Variants in HMGCLL1 observed in about 807,000 individuals in gnomAD.
The protein encoded by HMGCLL1 is 3-hydroxy-3-methylglutaryl-CoA lyase like 1, also known as 3-hydroxymethyl-3-methylglutaryl-CoA lyase, cytoplasmic.
Under a neutral mutation model 39.1 loss-of-function variants are expected in HMGCLL1, and 36 were observed. That is an observed-to-expected ratio of 0.92 (90% CI 0.71 to 1.22). The LOEUF (loss-of-function observed/expected upper bound fraction) is 1.22. Among genes scored for constraint, HMGCLL1 ranks in the 50% most tolerant of loss-of-function variants. The pLI, the probability that HMGCLL1 is intolerant of heterozygous loss-of-function variation, is 0.00. For missense variants in HMGCLL1, 451 were observed against 416.5 expected, an observed-to-expected ratio of 1.08 and a Z score of -0.72; for synonymous variants, 149 against 144.0, an observed-to-expected ratio of 1.03 and a Z score of -0.25.
At chr6:55,460,086 T>A (rs1764491414) in intron 7 of HMGCLL1, among the ~76,000 whole-genome samples, 1 of 151,930 alleles carries the variant, frequency 6.6e-6, no homozygotes, top group African/African-American at 2.4e-5. Context: ...ACTCACATGA[T>A]CCCATGTGTC....
At chr6:55,655,316 T>C in the HMGCLL1 span, among the ~76,000 whole-genome samples, 1 of 151,884 alleles carries the variant, frequency 6.6e-6, no homozygotes, top group Non-Finnish European at 1.5e-5. Context: ...TTAATACGTA[T>C]GTATTATTTC....
chr6:55,666,219 G>A, the HMGCLL1 span, among the ~76,000 whole-genome samples: 8 of 151,740 alleles, frequency 5.3e-5, no homozygotes, highest in African/African-American at 1.9e-4. Flanking sequence ...ATCCAGCCAT[G>A]CAAATAATTT....
chr6:55,573,688 T>C (rs1410592233), intron 1 of HMGCLL1, among the ~76,000 whole-genome samples: 2 of 151,826 alleles, frequency 1.3e-5, no homozygotes, highest in African/African-American at 4.8e-5. Flanking sequence ...AAGAAACAAA[T>C]AAGGCACAGA....
At chr6:55,491,587 T>C (rs1348021352) in intron 7 of HMGCLL1, among the ~76,000 whole-genome samples, 1 of 152,186 alleles carries the variant, frequency 6.6e-6, no homozygotes, top group East Asian at 1.9e-4. Context: ...CAGTATTGGA[T>C]CTCATTTGTT....
chr6:55,442,632 T>A (rs1763653365), intron 7 of HMGCLL1, among the ~76,000 whole-genome samples: 1 of 152,202 alleles, frequency 6.6e-6, no homozygotes, highest in Non-Finnish European at 1.5e-5. Context: ...AAGGATAGAC[T>A]GTTTCTCTAC....
chr6:55,493,362 C>T (rs972388713), intron 7 of HMGCLL1, among the ~76,000 whole-genome samples: 2 of 152,070 alleles, frequency 1.3e-5, no homozygotes, highest in Non-Finnish European at 2.9e-5. Flanking sequence ...GGGGTGTGGT[C>T]TTTTGGGGAG....
the HMGCLL1 span, among the ~76,000 whole-genome samples, chr6:55,624,491 A>T: frequency 6.6e-6 from 1 of 152,140 alleles, no homozygotes; most frequent in African/African-American, 2.4e-5. Context: ...TTACTGTCCT[A>T]CCACAGGGGT....
At chr6:55,513,830 T>G in intron 5 of HMGCLL1, 1 of 517,686 alleles carries the variant, frequency 1.9e-6, no homozygotes, top group East Asian at 3.3e-5. Flanking sequence ...TTCCTCTGAT[T>G]TCAACTGCAT....
At chr6:55,603,002 A>AT in the HMGCLL1 span, among the ~76,000 whole-genome samples, 1 of 152,048 alleles carries the variant, frequency 6.6e-6, no homozygotes, top group Non-Finnish European at 1.5e-5. Flanking sequence ...TTCCCATGTA[A>AT]TGATGCTGCT....
At chr6:55,487,926 G>C (rs1413001628) in intron 7 of HMGCLL1, among the ~76,000 whole-genome samples, 1 of 151,908 alleles carries the variant, frequency 6.6e-6, no homozygotes, top group African/African-American at 2.4e-5. Flanking sequence ...GTTTGTCTCT[G>C]CTCCTACTGG....
the HMGCLL1 span, among the ~76,000 whole-genome samples, chr6:55,676,346 C>T: frequency 6.6e-6 from 1 of 152,130 alleles, no homozygotes; most frequent in East Asian, 1.9e-4. Context: ...TTCTCTTCCT[C>T]CCTCTACCAT....
the HMGCLL1 span, among the ~76,000 whole-genome samples, chr6:55,631,113 G>A: frequency 2.0e-5 from 3 of 151,734 alleles, no homozygotes; most frequent in Non-Finnish European, 4.4e-5. Context: ...CTAAGTTCTT[G>A]TACTTGAATA....
At chr6:55,665,861 C>G in the HMGCLL1 span, among the ~76,000 whole-genome samples, 1 of 151,658 alleles carries the variant, frequency 6.6e-6, no homozygotes, top group African/African-American at 2.4e-5. Flanking sequence ...GTTTATTTTT[C>G]TGAACTCTAA....
intron 7 of HMGCLL1, among the ~76,000 whole-genome samples, chr6:55,484,847 C>T (rs1213298034): frequency 6.6e-6 from 1 of 152,072 alleles, no homozygotes; most frequent in African/African-American, 2.4e-5. Flanking sequence ...ATAGTCTAGT[C>T]TCAACAGAGC....
the HMGCLL1 span, among the ~76,000 whole-genome samples, chr6:55,645,033 G>A: frequency 6.6e-6 from 1 of 151,894 alleles, no homozygotes; most frequent in African/African-American, 2.4e-5. Context: ...CCATGAACAT[G>A]GAATATCTTT....
At chr6:55,556,506 G>A (rs1283656652) in intron 1 of HMGCLL1, among the ~76,000 whole-genome samples, 2 of 152,082 alleles carry the variant, frequency 1.3e-5, no homozygotes, top group East Asian at 3.9e-4. Flanking sequence ...GGAGAAGAGT[G>A]AGCAAGGAGT....
intron 1 of HMGCLL1, among the ~76,000 whole-genome samples, chr6:55,571,733 C>CGGGTTCTGGGT (rs1355440426): frequency 6.6e-6 from 1 of 151,992 alleles, no homozygotes; most frequent in Non-Finnish European, 1.5e-5. Context: ...TGCATGAACC[C>CGGGTTCTGGGT]AGGAGACAGA....
intron 1 of HMGCLL1, chr6:55,576,945 T>C: frequency 8.1e-7 from 1 of 1,229,160 alleles, no homozygotes; most frequent in Non-Finnish European, 1.1e-6. Context: ...TGGACTGGAA[T>C]TCAAGAGAAA....
chr6:55,467,588 T>C (rs983857053), intron 7 of HMGCLL1, among the ~76,000 whole-genome samples: 2 of 152,102 alleles, frequency 1.3e-5, no homozygotes, highest in Admixed American at 1.3e-4. Flanking sequence ...GCAGGTATGT[T>C]CTTCATTTTA....
Sources: gnomAD v4.1 joint callset for allele counts (sites outside exome capture counted in the v4.1 genomes callset) on GRCh38, gnomAD v4.1.1 for gene constraint, MANE v1.5 for transcripts, NCBI Gene and HGNC (gene_info 2026-07-23, HGNC 2026-07-21) for gene names.